The following ARHGEF10L variants were observed in gnomAD, a reference collection of about 807,000 sequenced individuals.
The protein encoded by ARHGEF10L is rho guanine nucleotide exchange factor 10-like protein.
In ARHGEF10L, 69 loss-of-function variants were observed where a neutral mutation model predicts 141.2. The observed-to-expected ratio is 0.49, with a 90% CI of 0.40 to 0.60. The LOEUF (loss-of-function observed/expected upper bound fraction) is 0.60. Ranked by LOEUF, ARHGEF10L falls within the 20% of genes least tolerant of loss-of-function variation. The pLI is 0.00. For missense variants in ARHGEF10L, 1,482 were observed against 1,734.3 expected (o/e 0.85, Z 2.58); for synonymous variants, 711 against 718.5 (o/e 0.99, Z 0.17).
intron 1 of ARHGEF10L, among the ~76,000 whole-genome samples, chr1:17,559,239 G>A (rs909820199): frequency 2.6e-5 from 4 of 152,202 alleles, no homozygotes; most frequent in East Asian, 1.9e-4. Context: ...CTGTTGGGAC[G>A]ATTAGGAGTT....
In ARHGEF10L at chr1:17,654,759, T is replaced by A. The variant is rs2062128321; in HGVS notation, c.2481+37T>A. The A allele has an allele frequency of 6.3e-7, 1 of 1,581,834 alleles. No individual in the cohort carries two copies. Among genetic ancestry groups the A allele is most frequent in the Non-Finnish European group, 8.7e-7 (1 of 1,152,716 alleles). On this transcript the variant is annotated intron_variant, in intron 23 of 28. Transcript: ENST00000361221. The surrounding 1 kb of genome is among the most constrained non-coding windows in gnomAD (Gnocchi z 4.3). ...CCCTGCCCAGCTGGGCATTCTGGCC[T>A]CAGGACAGGAGTAGGGAGAGCGGCA...
chr1:17,578,842 G>C (rs2078339172), intron 1 of ARHGEF10L, among the ~76,000 whole-genome samples: 1 of 152,120 alleles, frequency 6.6e-6, no homozygotes, highest in African/African-American at 2.4e-5. Context: ...GGTTAAAAAG[G>C]CAGTTGCAGC....
chr1:17,524,833 T>G, the ARHGEF10L span, among the ~76,000 whole-genome samples: 1 of 152,154 alleles, frequency 6.6e-6, no homozygotes, highest in Non-Finnish European at 1.5e-5. Flanking sequence ...TGAACAGGTT[T>G]GGAGCATGGA....
chr1:17,693,083 G>C (rs1436096547), intron 27 of ARHGEF10L, among the ~76,000 whole-genome samples: 1 of 152,156 alleles, frequency 6.6e-6, no homozygotes, highest in Non-Finnish European at 1.5e-5. Flanking sequence ...TACATCCCTT[G>C]TTTCTGTTTT....
At chr1:17,597,234 A>G (rs1216738323) in intron 4 of ARHGEF10L, among the ~76,000 whole-genome samples, 4 of 152,204 alleles carry the variant, frequency 2.6e-5, no homozygotes, top group African/African-American at 9.7e-5. Flanking sequence ...TTAGGAGAGC[A>G]GGAAGCTCAG....
intron 4 of ARHGEF10L, among the ~76,000 whole-genome samples, chr1:17,591,779 C>G (rs2079566918): frequency 6.6e-6 from 1 of 152,160 alleles, no homozygotes; most frequent in Admixed American, 6.5e-5. Context: ...GAACTCTTGG[C>G]TCAAGCAATC....
chr1:17,567,288 C>T (rs2077795786), intron 1 of ARHGEF10L, among the ~76,000 whole-genome samples: 1 of 152,192 alleles, frequency 6.6e-6, no homozygotes, highest in Non-Finnish European at 1.5e-5. Context: ...TTGGGATGCT[C>T]CTGTGTCAAG....
intron 8 of ARHGEF10L, 24 bp from the exon 9 acceptor site, chr1:17,616,070 A>G: frequency 3.1e-6 from 5 of 1,606,490 alleles, no homozygotes; most frequent in Non-Finnish European, 4.3e-6. Context: ...CCCTTCCCTG[A>G]TGAGCCTCTC....
At chr1:17,537,520 A>C (rs2076592298), upstream of ARHGEF10L, among the ~76,000 whole-genome samples, 1 of 152,206 alleles carries the variant, frequency 6.6e-6, no homozygotes, top group African/African-American at 2.4e-5. Flanking sequence ...CCCAGAGCCA[A>C]CTTACAACAA....
chr1:17,588,420 G>C (rs780456786), intron 3 of ARHGEF10L, 26 bp from the exon 4 acceptor site: 2 of 1,613,780 alleles, frequency 1.2e-6, no homozygotes, highest in South Asian at 1.1e-5. Context: ...GGCCTGACAG[G>C]CTCTCTGTCT....
intron 6 of ARHGEF10L, among the ~76,000 whole-genome samples, chr1:17,605,184 A>G (rs2081057446): frequency 6.6e-6 from 1 of 152,226 alleles, no homozygotes. Flanking sequence ...ATGTGGGCTC[A>G]GCAGAAGCTT....
chr1:17,648,428 G>C, intron 21 of ARHGEF10L, 126 bp from the exon 22 acceptor site: 1 of 1,208,430 alleles, frequency 8.3e-7, no homozygotes, highest in Non-Finnish European at 1.2e-6. Flanking sequence ...AGTAGGGTGG[G>C]GAGTGACTGG....
rs1441140612 is a variant in ARHGEF10L, at chr1:17,625,508, T to TG, written c.1318-443dup. 2.6e-5 allele frequency among the ~76,000 whole-genome samples: 4 copies of TG among 152,090 alleles called. No individual in the cohort carries two copies. The stretch of plus-strand genomic sequence containing the variant: ...GGAGAAACTGTGGGATTGCAGCATA[T>TG]GGGGGCCAGGACCAGGTAACAGGTG... On this transcript the variant is annotated intron_variant, in intron 13 of 28. Transcript: ENST00000361221. The surrounding 1 kb of genome is among the most constrained non-coding windows in gnomAD (Gnocchi z 4.5).
chr1:17,552,406 T>G (rs1395978329), intron 1 of ARHGEF10L, among the ~76,000 whole-genome samples: 1 of 152,000 alleles, frequency 6.6e-6, no homozygotes, highest in Non-Finnish European at 1.5e-5. Flanking sequence ...ATCTATCTTT[T>G]TTTTTTCTTT....
At chr1:17,622,876 T>C in intron 11 of ARHGEF10L, 120 bp from the exon 12 acceptor site, 2 of 1,037,328 alleles carry the variant, frequency 1.9e-6, no homozygotes, top group Non-Finnish European at 2.8e-6. Context: ...GAGTGAGGGA[T>C]GAGTGCCTCC....
At chr1:17,614,751 C>G (rs1029562148) in intron 8 of ARHGEF10L, among the ~76,000 whole-genome samples, 3 of 152,196 alleles carry the variant, frequency 2.0e-5, no homozygotes, top group African/African-American at 7.2e-5. Context: ...GCAGGGCAGG[C>G]AGGGGACTTC....
chr1:17,666,791 C>G (rs1171265796), intron 26 of ARHGEF10L, among the ~76,000 whole-genome samples: 1 of 146,164 alleles, frequency 6.8e-6, no homozygotes, highest in Non-Finnish European at 1.5e-5. Context: ...CCTGCTCTAC[C>G]CCAAGCCCAC....
chr1:17,607,489 C>G lies in ARHGEF10L; in HGVS notation c.434-313C>G, dbSNP rs761736191. ...GACCCTGTCTCTAAAACAAAATTGCCAAGGAGGCTCACAATGAGCGCTGAG... is the reference window on the plus strand; with the variant it reads ...GACCCTGTCTCTAAAACAAAATTGCGAAGGAGGCTCACAATGAGCGCTGAG... On this transcript the variant is annotated intron_variant, in intron 6 of 28. Coordinates refer to ENST00000361221, the MANE Select transcript of ARHGEF10L (RefSeq NM_018125.4). The surrounding 1 kb of genome is among the most constrained non-coding windows in gnomAD (Gnocchi z 4.5). 2.1e-4 allele frequency among the ~76,000 whole-genome samples: 32 copies of G among 152,126 alleles called. No individual in the cohort carries two copies. The highest frequency in any genetic ancestry group is 2.4e-4 in the Non-Finnish European group (16 of 68,006).
chr1:17,635,677 C>T (rs911328555), intron 18 of ARHGEF10L, among the ~76,000 whole-genome samples: 6 of 152,210 alleles, frequency 3.9e-5, no homozygotes, highest in Admixed American at 6.5e-5. Flanking sequence ...CCTGTGCTCT[C>T]GAGACCTCTG....
Sources: allele counts gnomAD v4.1 joint callset (sites outside exome capture counted in the v4.1 genomes callset), GRCh38; gene constraint gnomAD v4.1.1; non-coding constraint Gnocchi (gnomAD v3.1); transcripts MANE v1.5; gene names NCBI Gene and HGNC (gene_info 2026-07-23, HGNC 2026-07-21).